The following ULK4 variants were observed in gnomAD, a reference collection of about 807,000 sequenced individuals.
ULK4 encodes the protein inactive serine/threonine-protein kinase ULK4.
A neutral mutation model predicts 160.6 loss-of-function variants in ULK4; 133 were observed. The observed-to-expected ratio is 0.83, with a 90% CI of 0.72 to 0.96. The LOEUF (loss-of-function observed/expected upper bound fraction) is 0.96. ULK4 is among the 40% of genes least tolerant of loss of function. The probability of loss-of-function intolerance (pLI) is 0.00; values close to 1 mark genes in which losing one functional copy is unlikely to be tolerated. For missense variants in ULK4, 1,580 were observed against 1,499.5 expected (o/e 1.05, Z -0.89); for synonymous variants, 534 against 539.8 (o/e 0.99, Z 0.15).
At chr3:41,867,871 T>A (rs574911973) in intron 17 of ULK4, among the ~76,000 whole-genome samples, 2 of 152,354 alleles carry the variant, frequency 1.3e-5, no homozygotes, top group African/African-American at 4.8e-5. Context: ...TTTGTGAGAT[T>A]TTATTGACCC....
chr3:41,317,784 T>C (rs1340187486), intron 35 of ULK4, among the ~76,000 whole-genome samples: 1 of 152,218 alleles, frequency 6.6e-6, no homozygotes, highest in Non-Finnish European at 1.5e-5. Context: ...GAAGGTGATT[T>C]ATCCTGTAGC....
intron 29 of ULK4, among the ~76,000 whole-genome samples, chr3:41,675,123 C>A (rs1013160968): frequency 9.9e-5 from 15 of 151,786 alleles, no homozygotes; most frequent in African/African-American, 3.6e-4. Context: ...GCCTGTAGTC[C>A]CAGCCACTCG....
At chr3:41,849,068 G>C (rs1439260136) in intron 17 of ULK4, among the ~76,000 whole-genome samples, 1 of 152,178 alleles carries the variant, frequency 6.6e-6, no homozygotes, top group Non-Finnish European at 1.5e-5. Flanking sequence ...CACAGAAAAT[G>C]AAAGCAGCCT....
chr3:41,611,222 G>A (rs184041316), intron 31 of ULK4, among the ~76,000 whole-genome samples: 4 of 152,304 alleles, frequency 2.6e-5, no homozygotes, highest in East Asian at 1.9e-4. Context: ...TTAATCCAGC[G>A]TATGCTGCCT....
At chr3:41,578,725 A>C (rs559076425) in intron 31 of ULK4, among the ~76,000 whole-genome samples, 1 of 152,178 alleles carries the variant, frequency 6.6e-6, no homozygotes, top group Non-Finnish European at 1.5e-5. Context: ...AAGGTTTGGA[A>C]GAAGGGACTA....
At chr3:41,305,738 C>T (rs957234431) in intron 35 of ULK4, among the ~76,000 whole-genome samples, 7 of 148,604 alleles carry the variant, frequency 4.7e-5, no homozygotes, top group South Asian at 2.1e-4. Flanking sequence ...AAGTGAGGAG[C>T]GTCTCTGCCC....
At chr3:41,901,756 A>T (rs1237995488) in intron 12 of ULK4, among the ~76,000 whole-genome samples, 1 of 152,106 alleles carries the variant, frequency 6.6e-6, no homozygotes, top group African/African-American at 2.4e-5. Context: ...CTGGGATTAT[A>T]GGCGTGAGCC....
chr3:41,420,300 G>A (rs2082630282), intron 34 of ULK4, among the ~76,000 whole-genome samples: 1 of 151,528 alleles, frequency 6.6e-6, no homozygotes, highest in African/African-American at 2.4e-5. Context: ...TTCCCACCAG[G>A]TACCTGGCAC....
intron 31 of ULK4, among the ~76,000 whole-genome samples, chr3:41,594,633 G>C (rs985023148): frequency 6.6e-6 from 1 of 152,218 alleles, no homozygotes; most frequent in Non-Finnish European, 1.5e-5. Context: ...AGAGAGATGC[G>C]AGGGACAGAA....
chr3:41,834,659 A>G (rs1283749424), intron 18 of ULK4, among the ~76,000 whole-genome samples: 1 of 152,268 alleles, frequency 6.6e-6, no homozygotes, highest in Non-Finnish European at 1.5e-5. Context: ...CTGCCTTAAA[A>G]TGATGATTGT....
intron 18 of ULK4, among the ~76,000 whole-genome samples, chr3:41,823,337 G>A (rs1462120539): frequency 6.6e-6 from 1 of 152,152 alleles, no homozygotes; most frequent in Non-Finnish European, 1.5e-5. Flanking sequence ...AGATAGTGAG[G>A]AATTAGGTCA....
At chr3:41,773,368 C>G (rs1161351327) in intron 21 of ULK4, among the ~76,000 whole-genome samples, 1 of 152,210 alleles carries the variant, frequency 6.6e-6, no homozygotes, top group East Asian at 1.9e-4. Flanking sequence ...GCAACTTCAG[C>G]AAAGTCTCAG....
chr3:41,442,416 C>G (rs564529893), intron 34 of ULK4, among the ~76,000 whole-genome samples: 2 of 152,190 alleles, frequency 1.3e-5, no homozygotes, highest in East Asian at 3.9e-4. Context: ...CCAGAGTAAA[C>G]CACTGCAAGC....
chr3:41,740,393 T>C (rs990339998), intron 22 of ULK4, among the ~76,000 whole-genome samples: 3 of 151,862 alleles, frequency 2.0e-5, no homozygotes, highest in Non-Finnish European at 4.4e-5. Context: ...GGCAAACCTA[T>C]ACAATCAGCT....
chr3:41,827,370 G>A (rs572911299), intron 18 of ULK4, among the ~76,000 whole-genome samples: 84 of 152,008 alleles, frequency 5.5e-4, no homozygotes, highest in African/African-American at 1.8e-3. Flanking sequence ...GTGAATCCAG[G>A]AGCTGGTTTT....
At chr3:41,494,780 C>G (rs2084924696) in intron 32 of ULK4, among the ~76,000 whole-genome samples, 1 of 152,044 alleles carries the variant, frequency 6.6e-6, no homozygotes, top group African/African-American at 2.4e-5. Context: ...TTCTTATACA[C>G]CAATAACAGA....
intron 35 of ULK4, among the ~76,000 whole-genome samples, chr3:41,249,997 T>G (rs538789359): frequency 1.1e-4 from 17 of 152,288 alleles, no homozygotes; most frequent in Non-Finnish European, 2.4e-4. Context: ...CTCTTTCACG[T>G]GGATAGAAGG....
chr3:41,302,496 G>A (rs946445796), intron 35 of ULK4, among the ~76,000 whole-genome samples: 14 of 152,192 alleles, frequency 9.2e-5, no homozygotes, highest in Non-Finnish European at 1.3e-4. Context: ...GGAATGAGGA[G>A]TGACAGATTA....
intron 27 of ULK4, among the ~76,000 whole-genome samples, chr3:41,691,791 C>A (rs1263992037): frequency 1.3e-5 from 2 of 151,706 alleles, no homozygotes; most frequent in Admixed American, 1.3e-4. Context: ...CAGTCTGATA[C>A]ATGATGAACC....
Sources: allele counts gnomAD v4.1 joint callset (sites outside exome capture counted in the v4.1 genomes callset), GRCh38; gene constraint gnomAD v4.1.1; transcripts MANE v1.5; gene names NCBI Gene and HGNC (gene_info 2026-07-23, HGNC 2026-07-21).